The following ERBB4 variants were observed in gnomAD, a reference collection of about 807,000 sequenced individuals.
ERBB4 encodes receptor tyrosine-protein kinase erbB-4.
In ERBB4, 42 loss-of-function variants were observed where a neutral mutation model predicts 158.0. That is an observed-to-expected ratio of 0.27 (90% CI 0.21 to 0.34). ERBB4 has a LOEUF of 0.34. Among genes scored for constraint, ERBB4 ranks in the 10% least tolerant of loss-of-function variants. The pLI is 1.00. For missense variants in ERBB4, 1,333 were observed against 1,624.1 expected (o/e 0.82, Z 3.08); for synonymous variants, 583 against 558.7 (o/e 1.04, Z -0.61).
intron 1 of ERBB4, among the ~76,000 whole-genome samples, chr2:212,193,153 T>C (rs1357176372): frequency 1.3e-5 from 2 of 152,168 alleles, no homozygotes; most frequent in East Asian, 1.9e-4. Context: ...ACTGATGCAA[T>C]GGCAATGAAG....
Position 211,980,447 on chromosome 2 carries a change from A to G in ERBB4, c.235-32831T>C, listed in dbSNP as rs573647437. Among the ~76,000 whole-genome samples the G allele has an allele frequency of 2.0e-5, 3 of 152,298 alleles. 1 individual carries two copies. The highest frequency in any genetic ancestry group is 7.2e-5 in the African/African-American group (3 of 41,572). On this transcript the variant is annotated intron_variant, in intron 2 of 27. Transcript: ENST00000342788. ...TTTTCTTGTCAAACTATGATATTTA[A>G]TCAACATGATTTGCATTACCTCATG... is the stretch of plus-strand genomic sequence containing the variant.
At chr2:212,113,288 G>C (rs2079470660) in intron 2 of ERBB4, among the ~76,000 whole-genome samples, 1 of 152,016 alleles carries the variant, frequency 6.6e-6, no homozygotes, top group South Asian at 2.1e-4. Context: ...AAGAGTAACT[G>C]GGTATGGCCG....
intron 20 of ERBB4, among the ~76,000 whole-genome samples, chr2:211,559,866 A>G (rs1180172583): frequency 6.6e-6 from 1 of 152,240 alleles, no homozygotes; most frequent in East Asian, 1.9e-4. Flanking sequence ...ACAGAGAGAT[A>G]GTAAAAGTAT....
chr2:212,445,763 G>A (rs2092336878), intron 1 of ERBB4, among the ~76,000 whole-genome samples: 1 of 152,132 alleles, frequency 6.6e-6, no homozygotes, highest in South Asian at 2.1e-4. Context: ...CACTCCACCA[G>A]GGGAAAAAAC....
At chr2:211,923,892 T>G (rs1014470242) in intron 3 of ERBB4, among the ~76,000 whole-genome samples, 9 of 152,046 alleles carry the variant, frequency 5.9e-5, no homozygotes, top group African/African-American at 2.2e-4. Context: ...CAAGCTAATT[T>G]TGTATTTTGA....
At chr2:211,564,041 C>T (rs2067480998) in intron 19 of ERBB4, among the ~76,000 whole-genome samples, 3 of 152,106 alleles carry the variant, frequency 2.0e-5, no homozygotes, top group Admixed American at 1.3e-4. Flanking sequence ...CAAATTACTT[C>T]CCTTTCATTT....
At chr2:211,732,612 T>A (rs1174100076) in intron 5 of ERBB4, among the ~76,000 whole-genome samples, 1 of 152,264 alleles carries the variant, frequency 6.6e-6, no homozygotes, top group Non-Finnish European at 1.5e-5. Context: ...CTGGAAAACA[T>A]AGCAAATAGC....
At position 211,781,104 on chromosome 2, in the gene ERBB4, A is replaced by C. The variant is rs796562254; in HGVS notation, c.556+6921T>G. On this transcript the variant is annotated intron_variant, in intron 4 of 27. Transcript: ENST00000342788. ...CACAATACCTTAGAAAGGCACATCT[A>C]TTTTACCTAAATATTTTCATATAGA... 1.5e-4 allele frequency among the ~76,000 whole-genome samples: 23 copies of C among 152,256 alleles called. 2 individuals carry two copies. Among genetic ancestry groups the C allele is most frequent in the African/African-American group, 5.5e-4 (23 of 41,560 alleles).
chr2:211,698,885 G>T (rs750267714), intron 12 of ERBB4, among the ~76,000 whole-genome samples: 45 of 152,158 alleles, frequency 3.0e-4, no homozygotes, highest in Non-Finnish European at 6.0e-4. Flanking sequence ...GTAAATGATA[G>T]ATGCCCAAAA....
At chr2:212,200,536 A>T (rs772186097) in intron 1 of ERBB4, among the ~76,000 whole-genome samples, 3 of 152,182 alleles carry the variant, frequency 2.0e-5, no homozygotes, top group Admixed American at 6.5e-5. Flanking sequence ...TAGATTTATT[A>T]TAAGGATTAA....
chr2:212,050,035 A>G (rs749733166), intron 2 of ERBB4, among the ~76,000 whole-genome samples: 2 of 152,160 alleles, frequency 1.3e-5, no homozygotes, highest in Admixed American at 6.5e-5. Flanking sequence ...AGGGACAAAG[A>G]TAAGCTAGGG....
intron 2 of ERBB4, among the ~76,000 whole-genome samples, chr2:212,094,418 TTACTC>T (rs2078868675): frequency 6.6e-6 from 1 of 151,002 alleles, no homozygotes; most frequent in African/African-American, 2.4e-5. Flanking sequence ...CAATTCATAA[TTACTC>T]TATTTTTAGG....
chr2:212,431,404 CT>C (rs2092027688), intron 1 of ERBB4, among the ~76,000 whole-genome samples: 1 of 151,294 alleles, frequency 6.6e-6, no homozygotes, highest in Admixed American at 6.6e-5. Flanking sequence ...TGCAGGCTCC[CT>C]CTCCCTTTAA....
intron 20 of ERBB4, among the ~76,000 whole-genome samples, chr2:211,557,765 G>A (rs1028235425): frequency 6.6e-6 from 1 of 152,092 alleles, no homozygotes; most frequent in African/African-American, 2.4e-5. Flanking sequence ...TCACCTTCCT[G>A]GGTATATACC....
intron 1 of ERBB4, among the ~76,000 whole-genome samples, chr2:212,528,097 G>A (rs1246565139): frequency 3.3e-5 from 5 of 152,010 alleles, no homozygotes; most frequent in Non-Finnish European, 7.4e-5. Context: ...GGAAACTACA[G>A]GGTAACCTAA....
chr2:211,843,394 G>T (rs931013930), intron 3 of ERBB4, among the ~76,000 whole-genome samples: 2 of 146,172 alleles, frequency 1.4e-5, no homozygotes, highest in African/African-American at 5.0e-5. Flanking sequence ...CACTCAGGCT[G>T]GTGCACATGT....
At chr2:212,232,644 A>C (rs902738657) in intron 1 of ERBB4, among the ~76,000 whole-genome samples, 3 of 152,104 alleles carry the variant, frequency 2.0e-5, no homozygotes, top group Admixed American at 6.6e-5. Flanking sequence ...TCCTGACCTC[A>C]TGATCCGCCT....
At chr2:211,674,769 A>C (rs2071987767) in intron 13 of ERBB4, among the ~76,000 whole-genome samples, 1 of 152,128 alleles carries the variant, frequency 6.6e-6, no homozygotes, top group Non-Finnish European at 1.5e-5. Context: ...CAAAATTATG[A>C]CAATTATAGC....
rs534062923 is a variant in ERBB4 at position 212,461,338 on chromosome 2, T to C, written c.82+77111A>G. 9.9e-5 allele frequency among the ~76,000 whole-genome samples: 15 copies of C among 152,246 alleles called. No homozygotes were observed. In the East Asian group the frequency reaches 2.9e-3, roughly 29 times the overall value. ...ACATGGACAGAGCTGCCCAAGACCATGGGAACCCACCTCTTGCATCCCACT... is the reference window on the plus strand; with the variant it reads ...ACATGGACAGAGCTGCCCAAGACCACGGGAACCCACCTCTTGCATCCCACT... On this transcript the variant is annotated intron_variant, in intron 1 of 27. Transcript: ENST00000342788.
Sources: gnomAD v4.1 joint callset for allele counts (sites outside exome capture counted in the v4.1 genomes callset) on GRCh38, gnomAD v4.1.1 for gene constraint, MANE v1.5 for transcripts, NCBI Gene and HGNC (gene_info 2026-07-23, HGNC 2026-07-21) for gene names.